SLC13A3: variants seen among roughly 807,000 people sequenced by gnomAD.
SLC13A3 encodes the protein Na(+)/dicarboxylate cotransporter 3.
Under a neutral mutation model 59.0 loss-of-function variants are expected in SLC13A3, and 40 were observed. That is an observed-to-expected ratio of 0.68 (90% CI 0.53 to 0.88). The LOEUF (loss-of-function observed/expected upper bound fraction) is 0.88, where lower values mean the gene tolerates loss of function less well. SLC13A3 is among the 40% of genes least tolerant of loss of function. The probability of loss-of-function intolerance (pLI) is 0.00; values close to 1 mark genes in which losing one functional copy is unlikely to be tolerated. For missense variants in SLC13A3, 699 were observed against 783.2 expected (o/e 0.89, Z 1.28); for synonymous variants, 317 against 330.3 (o/e 0.96, Z 0.44).
chr20:46,640,765 C>T (rs571057848), intron 1 of SLC13A3, among the ~76,000 whole-genome samples: 1 of 152,278 alleles, frequency 6.6e-6, no homozygotes, highest in African/African-American at 2.4e-5. Flanking sequence ...TGTTCCAGGC[C>T]CGGGCCAGGT....
At chr20:46,663,006 G>A (rs1015141400) in intron 1 of SLC13A3, among the ~76,000 whole-genome samples, 1 of 152,092 alleles carries the variant, frequency 6.6e-6, no homozygotes, top group Non-Finnish European at 1.5e-5. Flanking sequence ...AATCTGCTTG[G>A]GGGCTGGGCA....
At chr20:46,589,949 A>C (rs1354314667) in intron 6 of SLC13A3, among the ~76,000 whole-genome samples, 1 of 152,244 alleles carries the variant, frequency 6.6e-6, no homozygotes, top group Non-Finnish European at 1.5e-5. Flanking sequence ...ATATGGTTAG[A>C]GTTAAAACCA....
chr20:46,595,211 C>G (rs1336694502), intron 5 of SLC13A3, among the ~76,000 whole-genome samples: 2 of 152,196 alleles, frequency 1.3e-5, no homozygotes. Flanking sequence ...ACCTAAAAGT[C>G]TTAAAGACAG....
chr20:46,566,158 C>A, intron 11 of SLC13A3, 71 bp downstream of exon 11: 1 of 1,361,730 alleles, frequency 7.3e-7, no homozygotes, highest in South Asian at 1.2e-5. Context: ...GTGAAGGTCC[C>A]TTGGCGGGGG....
At chr20:46,626,249 C>T (rs1485834736) in intron 1 of SLC13A3, among the ~76,000 whole-genome samples, 1 of 147,618 alleles carries the variant, frequency 6.8e-6, no homozygotes, top group African/African-American at 2.5e-5. Context: ...TCTTTCCTTC[C>T]TCTCTCTCCT....
At chr20:46,629,317 G>A (rs1238689419) in intron 1 of SLC13A3, among the ~76,000 whole-genome samples, 1 of 152,040 alleles carries the variant, frequency 6.6e-6, no homozygotes, top group East Asian at 1.9e-4. Flanking sequence ...TTTTTTGCCT[G>A]GATATCCATA....
At chr20:46,589,696 C>T (rs1207511383) in intron 6 of SLC13A3, among the ~76,000 whole-genome samples, 2 of 152,138 alleles carry the variant, frequency 1.3e-5, no homozygotes, top group African/African-American at 4.8e-5. Flanking sequence ...ATAAACCCAT[C>T]CATCTATGGC....
intron 8 of SLC13A3, among the ~76,000 whole-genome samples, chr20:46,586,088 A>C (rs2062188120): frequency 6.6e-6 from 1 of 152,262 alleles, no homozygotes; most frequent in Non-Finnish European, 1.5e-5. Context: ...ATTTATACAT[A>C]AAATATATTA....
chr20:46,670,214 G>T (rs1179402167), upstream of SLC13A3: 2 of 152,188 alleles, frequency 1.3e-5, no homozygotes, highest in Non-Finnish European at 2.9e-5. Flanking sequence ...ATTAAGATCT[G>T]GCCAATGGGA....
chr20:46,668,265 CAGTT>C (rs1568964813), intron 1 of SLC13A3, among the ~76,000 whole-genome samples: 1 of 152,202 alleles, frequency 6.6e-6, no homozygotes, highest in African/African-American at 2.4e-5. Flanking sequence ...TTGTGCCAAA[CAGTT>C]AGCCAACTTG....
intron 5 of SLC13A3, among the ~76,000 whole-genome samples, chr20:46,593,094 C>A (rs1363237779): frequency 2.6e-5 from 4 of 152,200 alleles, no homozygotes; most frequent in Non-Finnish European, 5.9e-5. Context: ...TGAGTTCTTT[C>A]TCTGCTGAAC....
At chr20:46,585,420 A>G in intron 8 of SLC13A3, 1 of 991,618 alleles carries the variant, frequency 1.0e-6, no homozygotes, top group Non-Finnish European at 1.2e-6. Flanking sequence ...ATACAAAATT[A>G]AAAAGCGGAT....
chr20:46,643,907 G>A (rs755939274), intron 1 of SLC13A3, among the ~76,000 whole-genome samples: 3 of 152,182 alleles, frequency 2.0e-5, no homozygotes, highest in South Asian at 2.1e-4. Context: ...GCGTGGTGAC[G>A]TGTGCTTGTA....
intron 2 of SLC13A3, 66 bp downstream of exon 2, chr20:46,613,394 A>G: frequency 8.6e-6 from 12 of 1,401,960 alleles, no homozygotes; most frequent in Non-Finnish European, 1.1e-5. Context: ...AAGAGCAGGT[A>G]TAGGCTCCAG....
Position 46,563,528 on chromosome 20 carries a change from G to C in SLC13A3, c.1518C>G (p.Pro506=), listed in dbSNP as rs139887313. The change falls in exon 12 of 13, where the codon CCC becomes CCG. Residue 506 remains proline (P), a synonymous_variant. Coordinates refer to ENST00000279027, the MANE Select transcript of SLC13A3 (RefSeq NM_022829.6). ...CTGTGCCCGGAATCATCAGATACAG[G>C]GGGTGCACTCTCAGGCGGATGGCCT... ...AELAIRLRVH[P]LYLMIPGTVG... is the part of the protein sequence containing the mutation. 1.7e-4 allele frequency: 268 copies of C among 1,613,966 alleles called. 1 individual carries two copies. The African/African-American group carries it at 3.1e-3, about 19-fold the overall frequency.
At chr20:46,624,832 C>T (rs1418446294) in intron 1 of SLC13A3, among the ~76,000 whole-genome samples, 1 of 152,104 alleles carries the variant, frequency 6.6e-6, no homozygotes, top group Admixed American at 6.5e-5. Context: ...AGCCCAGGTC[C>T]TCTTTAAAAT....
chr20:46,558,690 T>C lies in SLC13A3; in HGVS notation c.*1332A>G, dbSNP rs2061905109. 1 of 152,156 alleles carries C rather than the reference T, an allele frequency of 6.6e-6. No individual in the cohort carries two copies. Among genetic ancestry groups the C allele is most frequent in the Non-Finnish European group, 1.5e-5 (1 of 68,044 alleles). 9.4% of individuals were successfully genotyped at this position (152,156 alleles called of 1,614,324 possible). On this transcript the variant is annotated 3_prime_UTR_variant, in exon 13 of 13. Coordinates refer to ENST00000279027, the MANE Select transcript of SLC13A3 (RefSeq NM_022829.6). ...ATGCCCATGATTCACTTATGCTGTATCAACAACAAGTGCAGCTGGGCGCTG... is the reference window on the plus strand; with the variant it reads ...ATGCCCATGATTCACTTATGCTGTACCAACAACAAGTGCAGCTGGGCGCTG...
At chr20:46,581,885 A>G (rs1600515564) in intron 9 of SLC13A3, among the ~76,000 whole-genome samples, 1 of 152,224 alleles carries the variant, frequency 6.6e-6, no homozygotes, top group African/African-American at 2.4e-5. Flanking sequence ...CTGGAAAAGA[A>G]GCAGAGATGG....
At position 46,558,706 on chromosome 20, in the gene SLC13A3, C is replaced by T. The variant is rs2061905282; in HGVS notation, c.*1316G>A. The T allele has an allele frequency of 6.6e-6, 1 of 152,180 alleles. No individual in the cohort carries two copies. The highest frequency in any genetic ancestry group is 1.5e-5 in the Non-Finnish European group (1 of 68,056). The allele number at this position is 152,180 out of a possible 1,614,324, so 9.4% of individuals were successfully genotyped here. On this transcript the variant is annotated 3_prime_UTR_variant, in exon 13 of 13. Transcript: ENST00000279027. ...TATGCTGTATCAACAACAAGTGCAG[C>T]TGGGCGCTGCCTTCCCAGCTGGCCA...
Sources: gnomAD v4.1 joint callset for allele counts (sites outside exome capture counted in the v4.1 genomes callset) on GRCh38, gnomAD v4.1.1 for gene constraint, MANE v1.5 for transcripts, NCBI Gene and HGNC (gene_info 2026-07-23, HGNC 2026-07-21) for gene names.